OR51B5: variants seen among roughly 807,000 people sequenced by gnomAD.
OR51B5 encodes the protein olfactory receptor family 51 subfamily B member 5.
For missense variants in OR51B5, 456 were observed against 374.6 expected (o/e 1.22, Z -1.79); for synonymous variants, 186 against 144.8 (o/e 1.28, Z -2.04).
rs1305170104 is a variant in OR51B5, at chr11:5,505,569, A to G, written n.84T>C. On this transcript the variant is annotated splice_region_variant and non_coding_transcript_exon_variant, in exon 1 of 5. Coordinates refer to the OR51B5 transcript ENST00000415970. Reference sequence around the variant, plus strand: ...AAAGAAAGAGGTTTACCGGACTTACAGTTCCACATAGCTGGGGAGGCCTCA... The same window carrying G: ...AAAGAAAGAGGTTTACCGGACTTACGGTTCCACATAGCTGGGGAGGCCTCA... 6 of 983,672 alleles carry G rather than the reference A, an allele frequency of 6.1e-6. No homozygotes were observed. In the African/African-American group the frequency reaches 8.6e-5, roughly 14 times the overall value. The allele number at this position is 983,672 out of a possible 1,614,324, so 60.9% of individuals were successfully genotyped here.
chr11:5,359,857 G>A (rs1345270173), intron 1 of OR51B5, among the ~76,000 whole-genome samples: 1 of 152,062 alleles, frequency 6.6e-6, no homozygotes, highest in Non-Finnish European at 1.5e-5. Context: ...ACAACCATCT[G>A]ATCTTTGACA....
At chr11:5,481,583 A>G (rs1311393980) in intron 1 of OR51B5, among the ~76,000 whole-genome samples, 3 of 150,652 alleles carry the variant, frequency 2.0e-5, no homozygotes, top group Admixed American at 2.0e-4. Flanking sequence ...CTGTTTGCAG[A>G]TGACATGAAT....
At chr11:5,383,340 A>C (rs10768899) in intron 1 of OR51B5, among the ~76,000 whole-genome samples, 1 of 152,094 alleles carries the variant, frequency 6.6e-6, no homozygotes, top group Non-Finnish European at 1.5e-5. Flanking sequence ...AATTATCTGC[A>C]GTAAATGGAA....
At chr11:5,426,273 A>G (rs1429593401) in intron 1 of OR51B5, among the ~76,000 whole-genome samples, 6 of 152,210 alleles carry the variant, frequency 3.9e-5, no homozygotes, top group African/African-American at 1.2e-4. Context: ...GAATCATTCT[A>G]TCATATTGTT....
At chr11:5,347,676 G>A (rs1849013545), upstream of OR51B5, among the ~76,000 whole-genome samples, 1 of 152,262 alleles carries the variant, frequency 6.6e-6, no homozygotes, top group South Asian at 2.1e-4. Context: ...TAAAAGCCAG[G>A]ACAGAGACAG....
intron 1 of OR51B5, among the ~76,000 whole-genome samples, chr11:5,418,698 G>A (rs188942127): frequency 2.2e-3 from 330 of 151,484 alleles, no homozygotes; most frequent in African/African-American, 6.6e-3. Context: ...TGGACACAGC[G>A]AGGGGAGCAT....
chr11:5,472,270 C>G (rs10838167), intron 1 of OR51B5, among the ~76,000 whole-genome samples: 98,307 of 151,606 alleles, frequency 0.65, 35,615 homozygotes, highest in Non-Finnish European at 0.8. Flanking sequence ...TACCTTAAAT[C>G]ACAGACTGTC....
chr11:5,476,868 G>A (rs139278949), intron 1 of OR51B5, among the ~76,000 whole-genome samples: 1 of 152,270 alleles, frequency 6.6e-6, no homozygotes, highest in African/African-American at 2.4e-5. Context: ...GCTAGGTAAA[G>A]TAAAATATCC....
intron 1 of OR51B5, chr11:5,505,374 A>C: frequency 7.7e-7 from 1 of 1,304,154 alleles, no homozygotes. Context: ...GAAAATGGAG[A>C]GGCAAGACTT....
At chr11:5,361,618 G>T (rs1849284831) in intron 1 of OR51B5, among the ~76,000 whole-genome samples, 1 of 152,214 alleles carries the variant, frequency 6.6e-6, no homozygotes, top group Non-Finnish European at 1.5e-5. Flanking sequence ...CAGTCAAGAT[G>T]TGATGGGGTA....
At chr11:5,343,327 G>A (rs752280674) in exon 1 of OR51B5, 14 of 1,456,028 alleles carry the variant, frequency 9.6e-6, no homozygotes, top group Non-Finnish European at 1.3e-5. Context: ...CCAGGTCTGT[G>A]GCAGCCAGCA....
chr11:5,346,451 T>TCTATAATGGAACACCTAGA (rs1848991758), upstream of OR51B5: 1 of 151,658 alleles, frequency 6.6e-6, no homozygotes, highest in Admixed American at 6.6e-5. Flanking sequence ...GCAAGAAGAT[T>TCTATAATGGAACACCTAGA]CTATAATGGA....
intron 1 of OR51B5, among the ~76,000 whole-genome samples, chr11:5,420,530 T>C (rs1850317326): frequency 6.6e-6 from 1 of 151,992 alleles, no homozygotes; most frequent in African/African-American, 2.4e-5. Flanking sequence ...ATCTCTTCCA[T>C]ATTTTTATAA....
At chr11:5,376,608 A>G (rs1210407517) in intron 1 of OR51B5, among the ~76,000 whole-genome samples, 1 of 152,070 alleles carries the variant, frequency 6.6e-6, no homozygotes, top group Non-Finnish European at 1.5e-5. Flanking sequence ...TAGACACAAT[A>G]AAAAAATGAT....
Position 5,363,329 on chromosome 11 carries a change from G to A in OR51B5, n.85-16419C>T, listed in dbSNP as rs183474728. Among the ~76,000 whole-genome samples the A allele has an allele frequency of 9.9e-3, 1,384 of 139,476 alleles. 21 individuals carry two copies. The highest frequency in any genetic ancestry group is 0.016 in the Non-Finnish European group (1,053 of 64,628). The allele number at this position is 139,476 out of a possible 152,430, so 91.5% of individuals were successfully genotyped here. A position where few individuals can be genotyped will look rare whatever the true frequency, so the allele number is the denominator to read the frequency against. The stretch of plus-strand genomic sequence containing the variant: ...TCGTTTTTCAAGTCATGATGCAGCA[G>A]TATTGGAATTACAGTTTTTTTTGGT... On this transcript the variant is annotated intron_variant and non_coding_transcript_variant, in intron 1 of 4. Transcript: ENST00000415970.
chr11:5,383,791 G>C (rs1849644456), intron 1 of OR51B5: 2 of 152,180 alleles, frequency 1.3e-5, no homozygotes, highest in South Asian at 4.1e-4. Context: ...GTCTTTAGGA[G>C]GATAAATCCT....
chr11:5,436,341 G>A (rs1289220872), intron 1 of OR51B5, among the ~76,000 whole-genome samples: 1 of 152,184 alleles, frequency 6.6e-6, no homozygotes, highest in African/African-American at 2.4e-5. Context: ...AGCAAAGACT[G>A]GATAACTCTT....
chr11:5,476,903 C>G (rs939389856), intron 1 of OR51B5, among the ~76,000 whole-genome samples: 1 of 152,100 alleles, frequency 6.6e-6, no homozygotes, highest in Non-Finnish European at 1.5e-5. Flanking sequence ...AGCACATTAA[C>G]AGGCCATCGA....
At chr11:5,447,366 C>T (rs923441877) in intron 1 of OR51B5, among the ~76,000 whole-genome samples, 1 of 152,098 alleles carries the variant, frequency 6.6e-6, no homozygotes, top group Non-Finnish European at 1.5e-5. Flanking sequence ...TTCTATGGTT[C>T]CAGCTTCCAC....
Sources: allele counts gnomAD v4.1 joint callset (sites outside exome capture counted in the v4.1 genomes callset), GRCh38; gene constraint gnomAD v4.1.1; transcripts MANE v1.5; gene names NCBI Gene and HGNC (gene_info 2026-07-23, HGNC 2026-07-21).